DSE: variants seen among roughly 807,000 people sequenced by gnomAD.
The protein encoded by DSE is dermatan-sulfate epimerase.
DSE carries 36 observed loss-of-function variants against 84.4 expected under a neutral mutation model. The observed-to-expected ratio is 0.43, with a 90% confidence interval of 0.33 to 0.56. The LOEUF (loss-of-function observed/expected upper bound fraction) is 0.56. Ranked by LOEUF, DSE falls within the 20% of genes least tolerant of loss-of-function variation. DSE has a pLI of 0.06. For missense variants in DSE, 862 were observed against 1,169.6 expected, an observed-to-expected ratio of 0.74 and a Z score of 3.84; for synonymous variants, 410 against 430.1, an observed-to-expected ratio of 0.95 and a Z score of 0.58.
chr6:116,351,347 G>A (rs1310487567), intron 2 of DSE, among the ~76,000 whole-genome samples: 1 of 152,162 alleles, frequency 6.6e-6, no homozygotes, highest in African/African-American at 2.4e-5. Flanking sequence ...AAAACAAAGG[G>A]TCTGTTTTGA....
At chr6:116,318,467 G>T (rs763532948) in intron 2 of DSE, among the ~76,000 whole-genome samples, 2 of 151,790 alleles carry the variant, frequency 1.3e-5, no homozygotes, top group Non-Finnish European at 2.9e-5. Context: ...GCACCACTGC[G>T]CTCCAGGCTG....
chr6:116,289,326 T>C (rs565951220), intron 2 of DSE, among the ~76,000 whole-genome samples: 1 of 152,022 alleles, frequency 6.6e-6, no homozygotes, highest in East Asian at 1.9e-4. Flanking sequence ...CTATGAATCA[T>C]AGTGATTTGT....
chr6:116,395,381 G>A (rs1781181504), intron 1 of DSE, among the ~76,000 whole-genome samples: 1 of 150,896 alleles, frequency 6.6e-6, no homozygotes, highest in Non-Finnish European at 1.5e-5. Flanking sequence ...GCCGAGATCG[G>A]GCCACTGCAC....
intron 2 of DSE, among the ~76,000 whole-genome samples, chr6:116,346,502 G>GA (rs1194539866): frequency 6.6e-6 from 1 of 152,160 alleles, no homozygotes; most frequent in East Asian, 1.9e-4. Flanking sequence ...CATATAAACA[G>GA]AACCAAAGAC....
In DSE at chr6:116,426,619, C is replaced by T; in HGVS notation, c.462C>T (p.Ser154=). 1.2e-5 allele frequency: 19 copies of T among 1,613,946 alleles called. No individual in the cohort carries two copies. Among genetic ancestry groups the T allele is most frequent in the Non-Finnish European group, 1.6e-5 (19 of 1,179,874 alleles). The part of the protein sequence containing the change: ...APWDEVPLAH[S]LVGFATAYDF... ...GGGATGAGGTCCCGCTTGCTCACTCCCTGGTTGGTTTTGCCACTGCTTATG... is the reference window on the plus strand; with the variant it reads ...GGGATGAGGTCCCGCTTGCTCACTCTCTGGTTGGTTTTGCCACTGCTTATG... The change falls in exon 3 of 6, where the codon TCC becomes TCT. Residue 154 remains serine (S), a synonymous_variant. Transcript: ENST00000644252.
At chr6:116,305,699 G>A (rs564150605) in intron 2 of DSE, among the ~76,000 whole-genome samples, 24 of 152,142 alleles carry the variant, frequency 1.6e-4, no homozygotes, top group African/African-American at 5.8e-4. Context: ...GTGCAATGGC[G>A]TAATCTTGGC....
chr6:116,378,524 G>A (rs1283727251), intron 1 of DSE, among the ~76,000 whole-genome samples: 1 of 152,036 alleles, frequency 6.6e-6, no homozygotes, highest in Non-Finnish European at 1.5e-5. Flanking sequence ...ATCTTTCATT[G>A]AGGTAAACAT....
chr6:116,258,012 AT>A (rs1772218577), intron 1 of DSE, among the ~76,000 whole-genome samples: 1 of 152,006 alleles, frequency 6.6e-6, no homozygotes, highest in Admixed American at 6.5e-5. Flanking sequence ...TATAACATTT[AT>A]TTTTTACTTT....
At chr6:116,350,659 G>T (rs1250867775) in intron 2 of DSE, among the ~76,000 whole-genome samples, 2 of 152,132 alleles carry the variant, frequency 1.3e-5, no homozygotes, top group African/African-American at 4.8e-5. Context: ...TGGTAATTTT[G>T]ATATTTAAGA....
chr6:116,387,865 C>T (rs978389919), intron 1 of DSE, among the ~76,000 whole-genome samples: 2 of 152,086 alleles, frequency 1.3e-5, no homozygotes, highest in African/African-American at 4.8e-5. Flanking sequence ...ATACGGTATC[C>T]CAGAAACTAA....
intron 1 of DSE, among the ~76,000 whole-genome samples, chr6:116,386,135 A>G (rs1368798210): frequency 1.3e-5 from 2 of 152,238 alleles, no homozygotes; most frequent in African/African-American, 2.4e-5. Context: ...CTTTGCTTCA[A>G]CAGCAACATT....
At chr6:116,409,033 G>A (rs1305273416) in intron 2 of DSE, among the ~76,000 whole-genome samples, 3 of 152,160 alleles carry the variant, frequency 2.0e-5, no homozygotes, top group Admixed American at 2.0e-4. Flanking sequence ...CCTTGAGAAT[G>A]TTACTTGACT....
chr6:116,392,920 T>C (rs910547498), intron 1 of DSE, among the ~76,000 whole-genome samples: 3 of 152,130 alleles, frequency 2.0e-5, no homozygotes, highest in Non-Finnish European at 4.4e-5. Context: ...TCCAGGATGA[T>C]CAGCTGAGAT....
At chr6:116,396,359 T>A (rs1781248608) in intron 1 of DSE, among the ~76,000 whole-genome samples, 2 of 152,174 alleles carry the variant, frequency 1.3e-5, no homozygotes, top group Non-Finnish European at 2.9e-5. Flanking sequence ...GGGAGAGCAC[T>A]GGGGGCTGAG....
At position 116,441,253 on chromosome 6, in the gene DSE, A is replaced by G. The variant is rs1204317668; in HGVS notation, c.*3908A>G. ...CACTATGTGAAGAATAAAAATAGAC[A>G]AAGTTGCATTATGACTTTTCTTCTT... On this transcript the variant is annotated 3_prime_UTR_variant, in exon 6 of 6. Transcript: ENST00000644252. 6.6e-6 allele frequency: 1 copy of G among 152,220 alleles called. No homozygotes were observed. The highest frequency in any genetic ancestry group is 1.5e-5 in the Non-Finnish European group (1 of 68,038). The allele number at this position is 152,220 out of a possible 1,614,324, so 9.4% of individuals were successfully genotyped here. A position where few individuals can be genotyped will look rare whatever the true frequency, so the allele number is the denominator to read the frequency against.
chr6:116,287,535 G>A (rs1402499374), intron 2 of DSE, among the ~76,000 whole-genome samples: 1 of 151,932 alleles, frequency 6.6e-6, no homozygotes, highest in Admixed American at 6.6e-5. Context: ...TCTCAAATTA[G>A]ATGAAATACC....
rs1325657865 is a variant in DSE at position 116,421,442 on chromosome 6, C to CATATATATATAT, written c.417-5121_417-5110dup. 5.7e-3 allele frequency among the ~76,000 whole-genome samples: 285 copies of CATATATATATAT among 50,060 alleles called. 4 individuals carry two copies. Among genetic ancestry groups the CATATATATATAT allele is most frequent in the African/African-American group, 0.016 (154 of 9,424 alleles). The allele number at this position is 50,060 out of a possible 152,430, so 32.8% of individuals were successfully genotyped here. A position where few individuals can be genotyped will look rare whatever the true frequency, so the allele number is the denominator to read the frequency against. Reference sequence around the variant, plus strand: ...TTTTAGGAAAAAATAACTATATATACATATATATATATATATATATATTTT... The same window carrying CATATATATATAT: ...TTTTAGGAAAAAATAACTATATATACATATATATATATATATATATATATATATATATATTTT... On this transcript the variant is annotated intron_variant, in intron 2 of 5. Transcript: ENST00000644252.
intron 5 of DSE, among the ~76,000 whole-genome samples, chr6:116,434,636 T>C (rs1459897157): frequency 6.6e-6 from 1 of 152,220 alleles, no homozygotes; most frequent in East Asian, 1.9e-4. Flanking sequence ...TATAGCAATA[T>C]GCAAACTGAC....
intron 2 of DSE, among the ~76,000 whole-genome samples, chr6:116,356,182 G>A (rs1778559738): frequency 6.6e-6 from 1 of 152,194 alleles, no homozygotes; most frequent in Non-Finnish European, 1.5e-5. Flanking sequence ...AATGGGGTGG[G>A]CTCAGACATT....
Sources: gnomAD v4.1 joint callset for allele counts (sites outside exome capture counted in the v4.1 genomes callset) on GRCh38, gnomAD v4.1.1 for gene constraint, MANE v1.5 for transcripts, NCBI Gene and HGNC (gene_info 2026-07-23, HGNC 2026-07-21) for gene names.